DPP6: variants seen among roughly 807,000 people sequenced by gnomAD.
The protein encoded by DPP6 is A-type potassium channel modulatory protein DPP6.
In DPP6, 69 loss-of-function variants were observed where a neutral mutation model predicts 122.6. That is an observed-to-expected ratio of 0.56 (90% CI 0.46 to 0.69). The LOEUF is 0.69. DPP6 is among the 30% of genes least tolerant of loss of function. DPP6 has a pLI of 0.00. For synonymous variants in DPP6, 418 were observed against 433.1 expected (o/e 0.97, Z 0.43); for missense variants, 928 against 1,116.9 (o/e 0.83, Z 2.41).
intron 17 of DPP6, among the ~76,000 whole-genome samples, chr7:154,865,066 G>A (rs1487524179): frequency 6.6e-6 from 1 of 152,188 alleles, no homozygotes; most frequent in Non-Finnish European, 1.5e-5. Context: ...CCAGCTGTAA[G>A]AGGGTCTGTC....
intron 1 of DPP6, among the ~76,000 whole-genome samples, chr7:154,123,216 T>TCAGTAAATA (rs1390684674): frequency 1.3e-5 from 2 of 152,202 alleles, no homozygotes; most frequent in Admixed American, 1.3e-4. Flanking sequence ...ATTAATTACA[T>TCAGTAAATA]CAGTAAATAA....
intron 1 of DPP6, among the ~76,000 whole-genome samples, chr7:154,324,951 C>T (rs1420504771): frequency 1.4e-5 from 2 of 144,608 alleles, no homozygotes; most frequent in Non-Finnish European, 3.0e-5. Context: ...ACCTCTGCCT[C>T]CTGGGTTGAA....
chr7:154,244,851 C>T (rs958764925), intron 1 of DPP6, among the ~76,000 whole-genome samples: 2 of 151,724 alleles, frequency 1.3e-5, no homozygotes, highest in African/African-American at 4.8e-5. Context: ...TAAAACTAAA[C>T]TTTTCAATAA....
At chr7:154,288,526 G>A (rs905657115) in intron 1 of DPP6, among the ~76,000 whole-genome samples, 1 of 152,196 alleles carries the variant, frequency 6.6e-6, no homozygotes, top group Non-Finnish European at 1.5e-5. Context: ...CCTTAGGAGA[G>A]GAGAGACGAT....
chr7:154,413,158 A>G (rs968997058), intron 1 of DPP6, among the ~76,000 whole-genome samples: 1 of 152,226 alleles, frequency 6.6e-6, no homozygotes, highest in East Asian at 1.9e-4. Context: ...TATAGATTCA[A>G]GGCAGCTGCC....
At chr7:154,422,667 TGGGTGGATG>T (rs1817562397) in intron 1 of DPP6, among the ~76,000 whole-genome samples, 1 of 24,256 alleles carries the variant, frequency 4.1e-5, no homozygotes, top group Non-Finnish European at 2.2e-4. Context: ...GGTGGATGGG[TGGGTGGATG>T]GGTGGATGGA....
intron 5 of DPP6, among the ~76,000 whole-genome samples, chr7:154,585,087 C>T (rs1832351975): frequency 6.7e-6 from 1 of 148,360 alleles, no homozygotes; most frequent in Non-Finnish European, 1.5e-5. Flanking sequence ...CCTCCCTCCA[C>T]CCCTAGTCCC....
In DPP6 at chr7:154,889,284, G is replaced by T. The variant is rs1244606143; in HGVS notation, c.2317G>T (p.Ala773Ser). The change falls in exon 24 of 26, where the codon GCC (alanine) becomes TCC (serine). Residue 773 changes from alanine (A) to serine (S), a missense_variant. Physicochemically the swap from Ala to Ser is moderately conservative, Grantham distance 99. Transcript: ENST00000377770. ...CCCGCATGTGCAGATGACCAAGGTA[G>T]CCCATCGAGTCTCCGCGCTGGAAGA... ...DNRAYEMTKV[A>S]HRVSALEEQQ... 3 of 1,612,828 alleles carry T rather than the reference G, an allele frequency of 1.9e-6. No individual in the cohort carries two copies. The highest frequency in any genetic ancestry group is 2.5e-6 in the Non-Finnish European group (3 of 1,179,644).
At chr7:154,643,899 A>G (rs1453263755) in intron 6 of DPP6, among the ~76,000 whole-genome samples, 3 of 152,160 alleles carry the variant, frequency 2.0e-5, no homozygotes, top group Non-Finnish European at 4.4e-5. Flanking sequence ...TTAATAGATG[A>G]CAGGAGGGAG....
intron 7 of DPP6, among the ~76,000 whole-genome samples, chr7:154,707,414 T>C (rs1210771545): frequency 6.6e-6 from 1 of 152,068 alleles, no homozygotes; most frequent in African/African-American, 2.4e-5. Flanking sequence ...CAAGAACCAA[T>C]GAAAGAACCA....
intron 20 of DPP6, among the ~76,000 whole-genome samples, chr7:154,878,557 G>A (rs941219799): frequency 5.3e-5 from 8 of 152,116 alleles, no homozygotes; most frequent in Non-Finnish European, 8.8e-5. Context: ...CAATTTGATC[G>A]GAAACCTAAA....
chr7:154,060,893 C>G (rs373413964), intron 1 of DPP6, among the ~76,000 whole-genome samples: 22 of 145,034 alleles, frequency 1.5e-4, no homozygotes, highest in East Asian at 1.2e-3. Flanking sequence ...AGGCACCCCC[C>G]ACGAGGCGGG....
intron 3 of DPP6, among the ~76,000 whole-genome samples, chr7:154,482,690 A>G (rs1389980799): frequency 6.6e-6 from 1 of 152,238 alleles, no homozygotes; most frequent in Non-Finnish European, 1.5e-5. Context: ...TAACATCTTA[A>G]TAGTATTTCA....
chr7:154,762,971 G>A (rs1795654770), intron 8 of DPP6, among the ~76,000 whole-genome samples: 1 of 152,236 alleles, frequency 6.6e-6, no homozygotes. Flanking sequence ...AACAGCAAGA[G>A]AAGGAGAAAT....
chr7:154,678,987 G>C (rs373048135), intron 7 of DPP6, among the ~76,000 whole-genome samples: 3 of 140,602 alleles, frequency 2.1e-5, no homozygotes, highest in East Asian at 4.4e-4. Flanking sequence ...TACTATTTGG[G>C]TTAATCGTCT....
chr7:154,410,004 T>C (rs545040396), intron 1 of DPP6, among the ~76,000 whole-genome samples: 2 of 152,356 alleles, frequency 1.3e-5, no homozygotes, highest in Non-Finnish European at 2.9e-5. Flanking sequence ...GGTACAGTCA[T>C]TCTCTGTTCT....
chr7:154,202,084 T>G (rs2150787554), intron 1 of DPP6, among the ~76,000 whole-genome samples: 1 of 152,278 alleles, frequency 6.6e-6, no homozygotes, highest in African/African-American at 2.4e-5. Context: ...TTTTGGGAAT[T>G]TAAATAAGTA....
At chr7:154,636,578 G>A (rs1835740040) in intron 5 of DPP6, among the ~76,000 whole-genome samples, 1 of 152,198 alleles carries the variant, frequency 6.6e-6, no homozygotes, top group Admixed American at 6.5e-5. Flanking sequence ...AGGGGCCCCG[G>A]GCCGCATATT....
Position 154,891,538 on chromosome 7 carries a change from A to G in DPP6, c.2452-796A>G, listed in dbSNP as rs553610712. The stretch of plus-strand genomic sequence containing the variant: ...CACAGTCACACAGGGAGTAGCCAGG[A>G]CGCAAAATCTGTGGGGTGGGCCCGT... On this transcript the variant is annotated intron_variant, in intron 25 of 25. Coordinates refer to ENST00000377770, the MANE Select transcript of DPP6 (RefSeq NM_130797.4). Among the ~76,000 whole-genome samples the G allele has an allele frequency of 5.4e-4, 83 of 152,324 alleles. 1 individual carries two copies. In the South Asian group the frequency reaches 0.017, roughly 31 times the overall value.
Sources: allele counts gnomAD v4.1 joint callset (sites outside exome capture counted in the v4.1 genomes callset), GRCh38; gene constraint gnomAD v4.1.1; transcripts MANE v1.5; gene names NCBI Gene and HGNC (gene_info 2026-07-23, HGNC 2026-07-21).